MEGF6: variants seen among roughly 807,000 people sequenced by gnomAD.
MEGF6 encodes multiple epidermal growth factor-like domains protein 6.
Under a neutral mutation model 207.1 loss-of-function variants are expected in MEGF6, and 184 were observed. The ratio of observed to expected loss-of-function variants is 0.89; its 90% CI spans 0.79 to 1.00. MEGF6 has a LOEUF of 1.00. Among genes scored for constraint, MEGF6 ranks in the 50% least tolerant of loss-of-function variants. The probability of loss-of-function intolerance (pLI) is 0.00; values close to 1 mark genes in which losing one functional copy is unlikely to be tolerated. For missense variants in MEGF6, 2,282 were observed against 2,202.9 expected (o/e 1.04, Z -0.72); for synonymous variants, 1,038 against 910.0 (o/e 1.14, Z -2.53).
At chr1:3,510,998 C>A (rs114650222) in intron 9 of MEGF6, 96 bp from the exon 10 acceptor site, 5 of 1,492,908 alleles carry the variant, frequency 3.3e-6, no homozygotes, top group Non-Finnish European at 4.5e-6. Context: ...ACACAACCCA[C>A]GCGCCCGACT....
At chr1:3,524,919 C>T (rs12145380) in intron 4 of MEGF6, among the ~76,000 whole-genome samples, 5 of 152,188 alleles carry the variant, frequency 3.3e-5, no homozygotes, top group Non-Finnish European at 7.3e-5. Context: ...AGGCTACGGG[C>T]TAAGGACGGC....
In MEGF6 at chr1:3,594,595, C is replaced by T. The variant is rs879847225; in HGVS notation, c.376+743G>A. Among the ~76,000 whole-genome samples the T allele has an allele frequency of 6.6e-6, 1 of 152,222 alleles. No individual in the cohort carries two copies. The highest frequency in any genetic ancestry group is 1.5e-5 in the Non-Finnish European group (1 of 68,034). On this transcript the variant is annotated intron_variant, in intron 3 of 36. Coordinates refer to ENST00000356575, the MANE Select transcript of MEGF6 (RefSeq NM_001409.4). This position sits in a 1 kb window ranked among gnomAD's most constrained non-coding sequence, Gnocchi z 4.2. The stretch of plus-strand genomic sequence containing the variant: ...CCATGACCTCTGGACTGACCCCTCC[C>T]AGGGAGGGACACTGACCCCTTTGCC...
intron 17 of MEGF6, among the ~76,000 whole-genome samples, chr1:3,502,147 C>T (rs1640930093): frequency 4.2e-5 from 1 of 23,876 alleles, no homozygotes; most frequent in Non-Finnish European, 9.0e-5. Flanking sequence ...GCTGAGCACA[C>T]CTGGGGTCCC....
intron 4 of MEGF6, among the ~76,000 whole-genome samples, chr1:3,531,608 T>C (rs1301756165): frequency 5.3e-5 from 8 of 150,430 alleles, no homozygotes; most frequent in Admixed American, 5.3e-4. Context: ...CGGACGCAGA[T>C]AGGGACCTAG....
chr1:3,495,605 C>T (rs761009525), intron 30 of MEGF6, among the ~76,000 whole-genome samples: 2 of 152,192 alleles, frequency 1.3e-5, no homozygotes, highest in Non-Finnish European at 2.9e-5. Flanking sequence ...GCAGCCCCCA[C>T]GGCCACCTCT....
rs746383203 is a variant in MEGF6 at position 3,595,350 on chromosome 1, C to G, written c.364G>C (p.Gly122Arg). Residue 122 changes from glycine to arginine, a missense_variant, in exon 3 of 37, where the codon GGC (glycine) becomes CGC (arginine). Gly to Arg is a moderately radical substitution (Grantham distance 125). Transcript: ENST00000356575. ...AGGCGGCACTCACCCGAGAGGCAGC[C>G]CTCCTCGTCGGGCTGCTGCATCCAC... ...RGWMQQPDEE[G>R]CLSAECSASL... 4 of 1,611,394 alleles carry G rather than the reference C, an allele frequency of 2.5e-6. No homozygotes were observed. Among genetic ancestry groups the G allele is most frequent in the African/African-American group, 1.3e-5 (1 of 74,846 alleles).
At chr1:3,598,175 A>G (rs928919013) in intron 2 of MEGF6, among the ~76,000 whole-genome samples, 2 of 152,176 alleles carry the variant, frequency 1.3e-5, no homozygotes, top group African/African-American at 4.8e-5. Flanking sequence ...AGGGCCCTTG[A>G]GCCTCTGGGA....
chr1:3,536,541 T>G (rs1227592676), intron 4 of MEGF6, among the ~76,000 whole-genome samples: 1 of 152,136 alleles, frequency 6.6e-6, no homozygotes, highest in Non-Finnish European at 1.5e-5. Context: ...AGGCCCAGGC[T>G]GCACCCACAA....
Position 3,514,229 on chromosome 1 carries a change from T to A in MEGF6, c.853+321A>T, listed in dbSNP as rs552875752. ...CGCCACTGCACTCCAGCCTGGGCAA[T>A]AGAGCGAGACTCCGTCTCAAAAAAA... is the stretch of plus-strand genomic sequence containing the variant. On this transcript the variant is annotated intron_variant, in intron 7 of 36. Transcript: ENST00000356575. Among the ~76,000 whole-genome samples, 14 of 145,048 alleles carry A rather than the reference T, an allele frequency of 9.7e-5. No individual in the cohort carries two copies. The South Asian group carries it at 3.1e-3, about 32-fold the overall frequency.
intron 5 of MEGF6, among the ~76,000 whole-genome samples, chr1:3,516,351 G>A (rs1641541536): frequency 6.6e-6 from 1 of 152,240 alleles, no homozygotes; most frequent in African/African-American, 2.4e-5. Context: ...GTCAAGTCTG[G>A]CAGTTGCCTT....
At chr1:3,610,549 G>A (rs1351970131) in intron 1 of MEGF6, among the ~76,000 whole-genome samples, 1 of 152,210 alleles carries the variant, frequency 6.6e-6, no homozygotes, top group Non-Finnish European at 1.5e-5. Context: ...TTGATTTGCT[G>A]TTCATGAGAG....
chr1:3,503,233 C>T (rs1640972849), intron 17 of MEGF6, among the ~76,000 whole-genome samples: 1 of 152,198 alleles, frequency 6.6e-6, no homozygotes, highest in Non-Finnish European at 1.5e-5. Flanking sequence ...GGACTACAGG[C>T]CTGGCACTCA....
At chr1:3,521,917 G>A (rs1014230146) in intron 5 of MEGF6, among the ~76,000 whole-genome samples, 6 of 152,194 alleles carry the variant, frequency 3.9e-5, no homozygotes, top group Admixed American at 6.5e-5. Flanking sequence ...TAGTCCTCAC[G>A]TGTTCCCAGG....
In MEGF6 at chr1:3,491,104, C is replaced by T. The variant is rs543514945; in HGVS notation, c.4517-145G>A. The T allele has an allele frequency of 1.3e-4, 36 of 282,838 alleles. No individual in the cohort carries two copies. In the East Asian group the frequency reaches 2.5e-3, roughly 19 times the overall value. The allele number at this position is 282,838 out of a possible 1,614,324, so 17.5% of individuals were successfully genotyped here. A position where few individuals can be genotyped will look rare whatever the true frequency, so the allele number is the denominator to read the frequency against. ...CCTTCCCTTCTCAGTCCTTTGCACT[C>T]GGGGAAGGAACGGGGGCGGGAGCTG... On this transcript the variant is annotated intron_variant, in intron 35 of 36. Coordinates refer to ENST00000356575, the MANE Select transcript of MEGF6 (RefSeq NM_001409.4).
At position 3,523,471 on chromosome 1, in the gene MEGF6, C is replaced by G. The variant is rs550379654; in HGVS notation, c.604+653G>C. ...CGGCCACAGTCCGTGTCCGCGACAC[C>G]TCCTCCAGCCCATTCCAATAGCCAA... On this transcript the variant is annotated intron_variant, in intron 5 of 36. Transcript: ENST00000356575. Among the ~76,000 whole-genome samples, 728 of 152,260 alleles carry G rather than the reference C, an allele frequency of 4.8e-3. 5 individuals carry two copies. Among genetic ancestry groups the G allele is most frequent in the African/African-American group, 0.017 (699 of 41,550 alleles).
chr1:3,517,247 C>T (rs755560355), intron 5 of MEGF6, among the ~76,000 whole-genome samples: 33 of 152,360 alleles, frequency 2.2e-4, no homozygotes, highest in Admixed American at 5.9e-4. Context: ...CCAGGCGCCA[C>T]AAGGGCCCAG....
At position 3,510,696 on chromosome 1, in the gene MEGF6, G is replaced by C. The variant is rs895355528; in HGVS notation, c.1234+87C>G. 9.4e-6 allele frequency: 14 copies of C among 1,491,902 alleles called. No homozygotes were observed. In the African/African-American group the frequency reaches 1.8e-4, roughly 19 times the overall value. The allele number at this position is 1,491,902 out of a possible 1,614,324, so 92.4% of individuals were successfully genotyped here. On this transcript the variant is annotated intron_variant, in intron 10 of 36. Coordinates refer to ENST00000356575, the MANE Select transcript of MEGF6 (RefSeq NM_001409.4). ...GCAGGCCGACCCCATGCCCACCATG[G>C]GGGTACCAGAGCCAGCCCCGTGTCC...
intron 36 of MEGF6, 115 bp downstream of exon 36, chr1:3,490,797 G>C: frequency 7.3e-7 from 1 of 1,376,240 alleles, no homozygotes. Context: ...TGGGGCCCAA[G>C]GCCCCGGGTG....
At chr1:3,624,097 C>A in the MEGF6 span, among the ~76,000 whole-genome samples, 4 of 152,206 alleles carry the variant, frequency 2.6e-5, no homozygotes, top group African/African-American at 9.6e-5. Context: ...ATTCTCCCCC[C>A]ATCTCACTCT....
Sources: allele counts gnomAD v4.1 joint callset (sites outside exome capture counted in the v4.1 genomes callset), GRCh38; gene constraint gnomAD v4.1.1; non-coding constraint Gnocchi (gnomAD v3.1); transcripts MANE v1.5; gene names NCBI Gene and HGNC (gene_info 2026-07-23, HGNC 2026-07-21).